PTPRT: variants seen among roughly 807,000 people sequenced by gnomAD.
The protein encoded by PTPRT is protein tyrosine phosphatase receptor type T.
A neutral mutation model predicts 176.8 loss-of-function variants in PTPRT; 56 were observed. The observed-to-expected ratio is 0.32, with a 90% CI of 0.26 to 0.40. The LOEUF (loss-of-function observed/expected upper bound fraction) is 0.40, where lower values mean the gene tolerates loss of function less well. Ranked by LOEUF, PTPRT falls within the 10% of genes least tolerant of loss-of-function variation. The pLI, the probability that PTPRT is intolerant of heterozygous loss-of-function variation, is 1.00. For missense variants in PTPRT, 1,540 were observed against 1,908.2 expected, an observed-to-expected ratio of 0.81 and a Z score of 3.60; for synonymous variants, 783 against 739.0, an observed-to-expected ratio of 1.06 and a Z score of -0.96.
intron 1 of PTPRT, among the ~76,000 whole-genome samples, chr20:43,063,980 G>C (rs1292241160): frequency 3.3e-5 from 5 of 151,888 alleles, no homozygotes; most frequent in African/African-American, 1.2e-4. Flanking sequence ...TTTATGATTT[G>C]ACTTTCCTTA....
At chr20:42,730,642 T>A (rs1331820268) in intron 6 of PTPRT, among the ~76,000 whole-genome samples, 2 of 151,076 alleles carry the variant, frequency 1.3e-5, no homozygotes, top group Non-Finnish European at 2.9e-5. Context: ...GTAAACACTG[T>A]GTAGTTCTGC....
intron 1 of PTPRT, among the ~76,000 whole-genome samples, chr20:43,180,425 G>A (rs1362027549): frequency 6.8e-6 from 1 of 146,360 alleles, no homozygotes; most frequent in Admixed American, 7.1e-5. Context: ...TATAGAAAGA[G>A]AGGGAGAGAG....
intron 7 of PTPRT, among the ~76,000 whole-genome samples, chr20:42,532,457 A>G (rs2072401125): frequency 6.6e-6 from 1 of 152,128 alleles, no homozygotes. Flanking sequence ...GCTGGAGTGC[A>G]GTGGCATGAT....
intron 5 of PTPRT, among the ~76,000 whole-genome samples, chr20:42,768,605 T>C (rs2077018986): frequency 6.6e-6 from 1 of 152,202 alleles, no homozygotes; most frequent in African/African-American, 2.4e-5. Context: ...CTGCGGGCTC[T>C]GTGTGTGACC....
At chr20:42,403,165 A>G (rs1472795766) in intron 9 of PTPRT, among the ~76,000 whole-genome samples, 1 of 151,972 alleles carries the variant, frequency 6.6e-6, no homozygotes, top group African/African-American at 2.4e-5. Context: ...TAGGTATACG[A>G]TTTTTGCATT....
rs780538254 is a variant in PTPRT at position 42,824,624 on chromosome 20, CTAAT to C, written c.215-33162_215-33159del. Among the ~76,000 whole-genome samples, 6 of 151,770 alleles carry C rather than the reference CTAAT, an allele frequency of 4.0e-5. No homozygotes were observed. The East Asian group carries it at 7.8e-4, about 20-fold the overall frequency. ...GGTGAATGAAAAATTAATTAACTAG[CTAAT>C]TAATTAATTCATAACTATAAAGAGT... On this transcript the variant is annotated intron_variant, in intron 2 of 30. Transcript: ENST00000373187.
intron 15 of PTPRT, among the ~76,000 whole-genome samples, chr20:42,211,482 C>T (rs1251381751): frequency 7.3e-5 from 11 of 150,926 alleles, no homozygotes; most frequent in East Asian, 1.9e-4. Context: ...AAAAAGTGGG[C>T]GAAGGACATG....
At chr20:42,100,471 GC>G (rs1429522566) in intron 26 of PTPRT, among the ~76,000 whole-genome samples, 1 of 152,194 alleles carries the variant, frequency 6.6e-6, no homozygotes, top group African/African-American at 2.4e-5. Context: ...AAAGGCAAAG[GC>G]CCCAGTGATG....
At chr20:42,314,198 A>T (rs6102768) in intron 12 of PTPRT, among the ~76,000 whole-genome samples, 49,206 of 151,990 alleles carry the variant, frequency 0.32, 8,356 homozygotes, top group Middle Eastern at 0.38. Context: ...TATGAACTGT[A>T]GGGCTTAGCA....
chr20:42,101,962 G>A (rs1220862016), intron 26 of PTPRT, among the ~76,000 whole-genome samples, 162 bp downstream of exon 26: 1 of 152,164 alleles, frequency 6.6e-6, no homozygotes, highest in Non-Finnish European at 1.5e-5. Context: ...TCTAGGTTTG[G>A]ACCAGAGCCT....
chr20:42,581,158 C>T (rs2145724257), intron 7 of PTPRT, among the ~76,000 whole-genome samples: 1 of 152,266 alleles, frequency 6.6e-6, no homozygotes, highest in South Asian at 2.1e-4. Context: ...GTCTTCCCTC[C>T]TCCCTTCTTC....
chr20:42,361,119 G>T (rs546580754), intron 9 of PTPRT, among the ~76,000 whole-genome samples: 4 of 152,274 alleles, frequency 2.6e-5, no homozygotes, highest in Admixed American at 1.3e-4. Context: ...CTGATTGAGG[G>T]GAGGCTGCAA....
In PTPRT at chr20:42,104,697, C is replaced by T. The variant is rs746243026; in HGVS notation, c.3412G>A (p.Asp1138Asn). ...QTEEQYVFVH[D>N]AILEACLCGN... Reference sequence around the variant, plus strand: ...CAGAGGCACGCTTCCAGGATGGCATCGTGCACAAACACATATTGCTCCTGC... The same window carrying T: ...CAGAGGCACGCTTCCAGGATGGCATTGTGCACAAACACATATTGCTCCTGC... Residue 1138 changes from aspartate (D) to asparagine (N), a missense_variant, in exon 25 of 31, where the codon GAT becomes AAT. Asp to Asn is a conservative substitution (Grantham distance 23). Coordinates refer to ENST00000373187, the MANE Select transcript of PTPRT (RefSeq NM_007050.6). 1.3e-5 allele frequency: 20 copies of T among 1,586,206 alleles called. No individual in the cohort carries two copies. The highest frequency in any genetic ancestry group is 1.7e-5 in the Non-Finnish European group (20 of 1,154,528).
chr20:42,677,171 G>A (rs1264320778), intron 7 of PTPRT, among the ~76,000 whole-genome samples: 1 of 152,148 alleles, frequency 6.6e-6, no homozygotes, highest in African/African-American at 2.4e-5. Context: ...AGAGCCAGGA[G>A]GCATTTAAGA....
At chr20:42,834,059 AAG>A (rs1236478018) in intron 2 of PTPRT, among the ~76,000 whole-genome samples, 2 of 150,640 alleles carry the variant, frequency 1.3e-5, no homozygotes, top group Non-Finnish European at 3.0e-5. Context: ...AGATACTGGT[AAG>A]AGAATAAAAA....
chr20:42,935,147 A>AT (rs57178522), intron 1 of PTPRT, among the ~76,000 whole-genome samples: 854 of 42,214 alleles, frequency 0.02, 54 homozygotes, highest in Admixed American at 0.046. Flanking sequence ...TTTTGCCATA[A>AT]TTTTTTTTTT....
intron 8 of PTPRT, among the ~76,000 whole-genome samples, chr20:42,469,105 C>T (rs1424809356): frequency 6.6e-6 from 1 of 152,030 alleles, no homozygotes; most frequent in Non-Finnish European, 1.5e-5. Flanking sequence ...CTGTGATTCA[C>T]CACAAATATA....
chr20:42,635,703 T>C (rs1488835959), intron 7 of PTPRT, among the ~76,000 whole-genome samples: 9 of 152,162 alleles, frequency 5.9e-5, no homozygotes, highest in Admixed American at 5.9e-4. Flanking sequence ...GTTTGTGGCA[T>C]CTCTTTTTTG....
intron 1 of PTPRT, among the ~76,000 whole-genome samples, chr20:43,120,523 G>A (rs6065576): frequency 0.33 from 50,080 of 152,080 alleles, 8,950 homozygotes; most frequent in East Asian, 0.73. Flanking sequence ...CGCCCGCCTC[G>A]GTCTCCCAAA....
Sources: allele counts gnomAD v4.1 joint callset (sites outside exome capture counted in the v4.1 genomes callset), GRCh38; gene constraint gnomAD v4.1.1; transcripts MANE v1.5; gene names NCBI Gene and HGNC (gene_info 2026-07-23, HGNC 2026-07-21).